Variants in ZNF541 observed in about 807,000 individuals in gnomAD.
ZNF541 encodes zinc finger protein 541.
In ZNF541, 23 loss-of-function variants were observed where a neutral mutation model predicts 123.5. The observed-to-expected ratio is 0.19, with a 90% confidence interval of 0.13 to 0.26. The LOEUF (loss-of-function observed/expected upper bound fraction) is 0.26. Among genes scored for constraint, ZNF541 ranks in the 10% least tolerant of loss-of-function variants. The pLI is 1.00. For missense variants in ZNF541, 1,612 were observed against 1,789.9 expected (o/e 0.90, Z 1.79); for synonymous variants, 751 against 754.5 (o/e 1.00, Z 0.08).
chr19:47,543,869 C>G (rs1056731792), intron 5 of ZNF541, among the ~76,000 whole-genome samples: 3 of 152,160 alleles, frequency 2.0e-5, no homozygotes, highest in African/African-American at 7.2e-5. Context: ...ATCTCGAACT[C>G]CTGAGCTCAA....
chr19:47,548,567 C>T (rs188663779), intron 4 of ZNF541, among the ~76,000 whole-genome samples: 1 of 152,110 alleles, frequency 6.6e-6, no homozygotes, highest in South Asian at 2.1e-4. Flanking sequence ...AACACAGATC[C>T]GTTTTCCTCA....
chr19:47,562,677 AAGCAT>A (rs1277785282), intron 2 of ZNF541, among the ~76,000 whole-genome samples: 3 of 152,214 alleles, frequency 2.0e-5, no homozygotes, highest in Non-Finnish European at 4.4e-5. Context: ...GAAAACAAAA[AAGCAT>A]AGCCCCTTCA....
chr19:47,546,658 A>C (rs113605493), intron 4 of ZNF541, among the ~76,000 whole-genome samples: 7 of 152,320 alleles, frequency 4.6e-5, no homozygotes, highest in African/African-American at 1.7e-4. Context: ...CAGCTAATAA[A>C]TAAGTTTTGA....
chr19:47,565,073 G>GT (rs1971210408), intron 2 of ZNF541, among the ~76,000 whole-genome samples: 1 of 151,382 alleles, frequency 6.6e-6, no homozygotes, highest in South Asian at 2.1e-4. Context: ...ATCAAACATC[G>GT]TATGTTCTCA....
chr19:47,526,481 CAAAAAAAAAAA>C (rs71180847), intron 14 of ZNF541, among the ~76,000 whole-genome samples: 1 of 34,976 alleles, frequency 2.9e-5, no homozygotes, highest in Non-Finnish European at 5.0e-5. Context: ...GACTCCATCT[CAAAAAAAAAAA>C]AAAAAAAAGA....
At chr19:47,541,306 G>A (rs896701676) in intron 5 of ZNF541, among the ~76,000 whole-genome samples, 21 of 152,052 alleles carry the variant, frequency 1.4e-4, no homozygotes, top group Admixed American at 9.8e-4. Context: ...AGGTCCCAGC[G>A]ACTCAGGAGG....
At chr19:47,560,011 G>C (rs1451406069) in intron 2 of ZNF541, among the ~76,000 whole-genome samples, 2 of 152,142 alleles carry the variant, frequency 1.3e-5, no homozygotes, top group Non-Finnish European at 2.9e-5. Context: ...GGAACAGAGA[G>C]GATCTGGTTT....
In ZNF541 at chr19:47,521,630, G is replaced by A. The variant is rs1205428806; in HGVS notation, c.3736C>T (p.Pro1246Ser). Residue 1246 changes from proline (P) to serine (S), a missense_variant, in exon 16 of 17, where the codon CCC (proline) becomes TCC (serine). This residue lies in a region of ZNF541 where 285 missense variants were observed against 407.3 expected (regional missense o/e 0.70). Coordinates refer to ENST00000391901, the MANE Select transcript of ZNF541 (RefSeq NM_001277075.3). This position sits in a 1 kb window ranked among gnomAD's most constrained non-coding sequence, Gnocchi z 4.2. ...EKVPCSPRER[P>S]SHHPTPKLKT... is the part of the protein sequence containing the mutation. ...AACTTGGGAGTTGGATGGTGGCTGG[G>A]TCTCTCCCGAGGGCTGCATGGGACC... 4 of 1,551,734 alleles carry A rather than the reference G, an allele frequency of 2.6e-6. No homozygotes were observed. The highest frequency in any genetic ancestry group is 3.5e-6 in the Non-Finnish European group (4 of 1,146,976).
rs1352405704 is a variant in ZNF541, at chr19:47,549,257, C to T, written c.536G>A (p.Arg179His). 3 of 1,552,034 alleles carry T rather than the reference C, an allele frequency of 1.9e-6. No homozygotes were observed. The highest frequency in any genetic ancestry group is 2.4e-5 in the South Asian group (2 of 84,052). Residue 179 changes from arginine to histidine, a missense_variant, in exon 4 of 17, where the codon CGC becomes CAC. Around this residue, in one of 5 missense-constraint regions of ZNF541, gnomAD observed 212 missense variants for 289.6 expected, o/e 0.73. Transcript: ENST00000391901. ...VCKICSKAFK[R>H]QDHLTGHMLT... The stretch of plus-strand genomic sequence containing the variant: ...GACTCCCACATACAGGTGGTCCTGG[C>T]GCTTAAAGGCCTTGCTGCAGATTTT...
chr19:47,522,031 C>A, intron 14 of ZNF541, 37 bp from the exon 15 acceptor site: 1 of 1,546,780 alleles, frequency 6.5e-7, no homozygotes, highest in Non-Finnish European at 8.7e-7. Context: ...GGCTGTGCCA[C>A]GCGGGCCCTG....
intron 8 of ZNF541, among the ~76,000 whole-genome samples, chr19:47,539,297 CTTTTTTTTTT>C (rs1001789975): frequency 7.9e-6 from 1 of 125,842 alleles, no homozygotes; most frequent in Non-Finnish European, 1.7e-5. Flanking sequence ...TCAAGATTTT[CTTTTTTTTTT>C]TTTTTTTTTT....
chr19:47,571,490 T>C (rs965228191), intron 2 of ZNF541, among the ~76,000 whole-genome samples: 1 of 152,234 alleles, frequency 6.6e-6, no homozygotes, highest in Non-Finnish European at 1.5e-5. Flanking sequence ...TTCTGGCCTC[T>C]TCTCAAAGAA....
chr19:47,568,636 A>G (rs1971358062), intron 2 of ZNF541, among the ~76,000 whole-genome samples: 1 of 151,022 alleles, frequency 6.6e-6, no homozygotes, highest in Non-Finnish European at 1.5e-5. Flanking sequence ...AAGCCACTGC[A>G]CCCGGCCTGC....
intron 4 of ZNF541, among the ~76,000 whole-genome samples, chr19:47,547,083 C>T (rs1970390269): frequency 6.6e-6 from 1 of 152,186 alleles, no homozygotes; most frequent in African/African-American, 2.4e-5. Flanking sequence ...GTCTCTCAAA[C>T]TTATTTGCCC....
At chr19:47,529,706 C>A (rs1969474901) in intron 12 of ZNF541, 54 bp from the exon 13 acceptor site, 1 of 1,454,448 alleles carries the variant, frequency 6.9e-7, no homozygotes, top group Non-Finnish European at 9.4e-7. Context: ...AAGAGGACCA[C>A]AGGCATCCTC....
intron 2 of ZNF541, among the ~76,000 whole-genome samples, chr19:47,558,879 G>T (rs1970944815): frequency 6.6e-6 from 1 of 151,894 alleles, no homozygotes; most frequent in African/African-American, 2.4e-5. Context: ...CGAGTAGCTG[G>T]GACTACAGGT....
Position 47,573,084 on chromosome 19 carries a change from C to T in ZNF541, c.-247G>A, listed in dbSNP as rs1971532502. On this transcript the variant is annotated splice_region_variant and 5_prime_UTR_variant, in exon 1 of 17. Transcript: ENST00000391901. Reference sequence around the variant, plus strand: ...GGGGCAGCAGCAACCGGGTTTTACCCGCCCCCGGGGGCTCGCGCGCCGGGC... The same window carrying T: ...GGGGCAGCAGCAACCGGGTTTTACCTGCCCCCGGGGGCTCGCGCGCCGGGC... 6.6e-6 allele frequency among the ~76,000 whole-genome samples: 1 copy of T among 150,586 alleles called. No homozygotes were observed. The highest frequency in any genetic ancestry group is 1.9e-4 in the East Asian group (1 of 5,132).
intron 9 of ZNF541, 147 bp downstream of exon 9, chr19:47,537,995 G>A: frequency 1.1e-6 from 1 of 935,222 alleles, no homozygotes; most frequent in South Asian, 1.6e-5. Flanking sequence ...ATCAGTCCTG[G>A]GGCACATCTG....
Position 47,544,358 on chromosome 19 carries a change from G to A in ZNF541, c.2171C>T (p.Ala724Val), listed in dbSNP as rs1970216271. ...TTCACCTTTTGTGATCCTTGAAGCC[G>A]CGCCATTCTCGGCTGGGGCCTGCTT... ...PGKQAPAENGAASRITKGEKG... is the reference protein window; with the variant it reads ...PGKQAPAENGVASRITKGEKG... The change falls in exon 5 of 17, where the codon GCG becomes GTG. Residue 724 changes from alanine (A) to valine (V), a missense_variant. This residue lies in a region of ZNF541 where 1,080 missense variants were observed against 1,013.8 expected (regional missense o/e 1.07). Transcript: ENST00000391901. The A allele has an allele frequency of 3.2e-6, 5 of 1,551,510 alleles. No individual in the cohort carries two copies. The highest frequency in any genetic ancestry group is 2.4e-5 in the East Asian group (1 of 40,930).
Sources: gnomAD v4.1 joint callset for allele counts (sites outside exome capture counted in the v4.1 genomes callset) on GRCh38, gnomAD v4.1.1 for gene constraint, gnomAD v4.1.1 regional missense constraint, Gnocchi (gnomAD v3.1) non-coding constraint, MANE v1.5 for transcripts, NCBI Gene and HGNC (gene_info 2026-07-23, HGNC 2026-07-21) for gene names.